FAM220A: variants seen among roughly 807,000 people sequenced by gnomAD.
FAM220A encodes the protein protein FAM220A.
For synonymous variants in FAM220A, 141 were observed against 130.7 expected (o/e 1.08, Z -0.54); for missense variants, 392 against 321.6 (o/e 1.22, Z -1.68).
chr7:6,348,878 G>C lies in FAM220A; in HGVS notation c.-387C>G. ...GGAGGCGGCGGCTAGACCGGCGGGC[G>C]GGCGGGCCGCAGTGGAGCGGAGTCC... is the stretch of plus-strand genomic sequence containing the variant. On this transcript the variant is annotated 5_prime_UTR_variant, in exon 1 of 2. Coordinates refer to ENST00000313324, the MANE Select transcript of FAM220A (RefSeq NM_001037163.2). The C allele has an allele frequency of 2.6e-6, 1 of 388,648 alleles. No homozygotes were observed. Among genetic ancestry groups the C allele is most frequent in the Non-Finnish European group, 4.5e-6 (1 of 220,122 alleles). The allele number at this position is 388,648 out of a possible 1,614,324, so 24.1% of individuals were successfully genotyped here. A position where few individuals can be genotyped will look rare whatever the true frequency, so the allele number is the denominator to read the frequency against.
chr7:6,342,224 T>TTC (rs939471898), intron 1 of FAM220A, among the ~76,000 whole-genome samples: 2 of 151,772 alleles, frequency 1.3e-5, no homozygotes, highest in African/African-American at 2.4e-5. Flanking sequence ...TACTTTCTCT[T>TTC]TCTCTCTCTC....
intron 1 of FAM220A, among the ~76,000 whole-genome samples, 169 bp downstream of exon 1, chr7:6,348,404 A>T (rs958305749): frequency 4.6e-5 from 7 of 152,120 alleles, no homozygotes; most frequent in African/African-American, 1.7e-4. Flanking sequence ...CAGAACGGGG[A>T]TAAGGACCAC....
intron 1 of FAM220A, among the ~76,000 whole-genome samples, chr7:6,345,552 G>A (rs1466328113): frequency 6.6e-6 from 1 of 152,048 alleles, no homozygotes; most frequent in Non-Finnish European, 1.5e-5. Context: ...ATATGAAAAA[G>A]GTAACTGTTT....
chr7:6,335,895 G>A (rs1035132029), intron 1 of FAM220A, among the ~76,000 whole-genome samples: 9 of 151,826 alleles, frequency 5.9e-5, no homozygotes, highest in South Asian at 2.1e-4. Flanking sequence ...AAGAGTGGCC[G>A]GGAGCAGTGG....
In FAM220A at chr7:6,348,920, G is replaced by C. The variant is rs1228818517; in HGVS notation, c.-429C>G. The C allele has an allele frequency of 7.8e-6, 3 of 384,764 alleles. No homozygotes were observed. The South Asian group carries it at 4.3e-4, about 55-fold the overall frequency. 23.8% of individuals were successfully genotyped at this position (384,764 alleles called of 1,614,324 possible). ...GCGGAGTCCGCACGTCACGCTCGGAGAAGTGCCTCCGCGAGCAGCCGCCTG... is the reference window on the plus strand; with the variant it reads ...GCGGAGTCCGCACGTCACGCTCGGACAAGTGCCTCCGCGAGCAGCCGCCTG... On this transcript the variant is annotated 5_prime_UTR_variant, in exon 1 of 2. Transcript: ENST00000313324.
intron 1 of FAM220A, among the ~76,000 whole-genome samples, chr7:6,348,091 G>A (rs1015991557): frequency 8.6e-5 from 13 of 151,204 alleles, no homozygotes; most frequent in Non-Finnish European, 1.5e-4. Context: ...TGTATTTTTA[G>A]TAGAGACGGG....
Position 6,330,191 on chromosome 7 carries a change from C to T in FAM220A, c.*184G>A. On this transcript the variant is annotated 3_prime_UTR_variant, in exon 2 of 2. Coordinates refer to ENST00000313324, the MANE Select transcript of FAM220A (RefSeq NM_001037163.2). ...TTTTAAAGCACAATTTAACACATGC[C>T]AAAAAAGTTCCTTCCGCATCAACTG... 1 of 628,378 alleles carries T rather than the reference C, an allele frequency of 1.6e-6. No individual in the cohort carries two copies. The highest frequency in any genetic ancestry group is 2.8e-6 in the Non-Finnish European group (1 of 359,318). The allele number at this position is 628,378 out of a possible 1,614,324, so 38.9% of individuals were successfully genotyped here. A position where few individuals can be genotyped will look rare whatever the true frequency, so the allele number is the denominator to read the frequency against.
intron 1 of FAM220A, among the ~76,000 whole-genome samples, chr7:6,341,432 ACT>A (rs1312381920): frequency 2.7e-5 from 4 of 150,312 alleles, no homozygotes; most frequent in African/African-American, 7.4e-5. Context: ...ACAGAGCAAG[ACT>A]CTGTCTCAAA....
At chr7:6,339,943 T>C (rs1478991523) in intron 1 of FAM220A, among the ~76,000 whole-genome samples, 1 of 151,702 alleles carries the variant, frequency 6.6e-6, no homozygotes, top group Non-Finnish European at 1.5e-5. Flanking sequence ...GGAGTGCAGC[T>C]GCATGATCTC....
rs763859545 is a variant in FAM220A at position 6,330,945 on chromosome 7, G to A, written c.210C>T (p.Ser70=). The change falls in exon 2 of 2, where the codon AGC becomes AGT. Residue 70 remains serine, a synonymous_variant. Coordinates refer to ENST00000313324, the MANE Select transcript of FAM220A (RefSeq NM_001037163.2). ...CACTGTGAAGCCAGAGGCCAGCCCC[G>A]CTCGGATCCTTTCTCATTTCCAGTG... is the stretch of plus-strand genomic sequence containing the variant. ...ALSLEMRKDP[S]GAGLWLHSGG... 9.9e-6 allele frequency: 16 copies of A among 1,614,116 alleles called. No individual in the cohort carries two copies. Among genetic ancestry groups the A allele is most frequent in the African/African-American group, 5.3e-5 (4 of 74,952 alleles).
chr7:6,331,672 G>A (rs540760983), intron 1 of FAM220A, among the ~76,000 whole-genome samples: 3 of 150,824 alleles, frequency 2.0e-5, no homozygotes, highest in African/African-American at 7.3e-5. Flanking sequence ...GAGCCACCAC[G>A]CCCGGCCTAG....
chr7:6,333,758 TGAA>T (rs920175726), intron 1 of FAM220A, among the ~76,000 whole-genome samples: 1 of 150,704 alleles, frequency 6.6e-6, no homozygotes, highest in African/African-American at 2.4e-5. Context: ...GTAGGTGACT[TGAA>T]GAACAAGTGT....
intron 1 of FAM220A, chr7:6,342,108 A>G (rs954407548): frequency 6.6e-6 from 1 of 152,212 alleles, no homozygotes; most frequent in Non-Finnish European, 1.5e-5. Context: ...GCCAGGTGCC[A>G]GGTGCTGTTC....
In FAM220A at chr7:6,330,589, T is replaced by G. The variant is rs771443961; in HGVS notation, c.566A>C (p.His189Pro). The G allele has an allele frequency of 3.1e-6, 5 of 1,614,048 alleles. No homozygotes were observed. Among genetic ancestry groups the G allele is most frequent in the Non-Finnish European group, 4.2e-6 (5 of 1,180,020 alleles). The stretch of plus-strand genomic sequence containing the variant: ...GTGCAGCGTTGCAGACAGGATGGAG[T>G]GCAGGCAAGCGGGTTCCAACTCAGA... ...LGSELEPACLHSILSATLHVY... is the reference protein window; with the variant it reads ...LGSELEPACLPSILSATLHVY... Residue 189 changes from histidine (H) to proline (P), a missense_variant, in exon 2 of 2, where the codon CAC (histidine) becomes CCC (proline). By Grantham distance (77) the His-to-Pro change is moderately conservative. Coordinates refer to ENST00000313324, the MANE Select transcript of FAM220A (RefSeq NM_001037163.2).
chr7:6,330,997 T>G lies in FAM220A; in HGVS notation c.158A>C (p.Asp53Ala). 1 of 1,614,222 alleles carries G rather than the reference T, an allele frequency of 6.2e-7. No homozygotes were observed. The highest frequency in any genetic ancestry group is 8.5e-7 in the Non-Finnish European group (1 of 1,180,040). The change falls in exon 2 of 2, where the codon GAT becomes GCT. Residue 53 changes from aspartate to alanine, a missense_variant. Coordinates refer to ENST00000313324, the MANE Select transcript of FAM220A (RefSeq NM_001037163.2). ...TAATGCCTCACTTTGTGAATTTCCA[T>G]CAACCACAGGCTTATTCATCCAGGA... ...APSWMNKPVV[D>A]GNSQSEALSL...
intron 1 of FAM220A, among the ~76,000 whole-genome samples, chr7:6,348,006 G>A (rs1481991680): frequency 6.6e-6 from 1 of 151,284 alleles, no homozygotes; most frequent in African/African-American, 2.4e-5. Context: ...CGCCTCCCAG[G>A]TTCCAGCGAT....
chr7:6,343,606 C>T (rs578175680), intron 1 of FAM220A, among the ~76,000 whole-genome samples: 1 of 151,590 alleles, frequency 6.6e-6, no homozygotes, highest in Non-Finnish European at 1.5e-5. Context: ...CCTTGTATTT[C>T]AGATTCTGTA....
chr7:6,338,105 C>T (rs1336284913), intron 1 of FAM220A, among the ~76,000 whole-genome samples: 2 of 152,094 alleles, frequency 1.3e-5, no homozygotes, highest in Non-Finnish European at 2.9e-5. Context: ...TGCCCAGCCA[C>T]AAAAAGACTT....
chr7:6,348,856 G>A lies in FAM220A; in HGVS notation c.-365C>T, dbSNP rs1003485326. On this transcript the variant is annotated 5_prime_UTR_variant, in exon 1 of 2. Coordinates refer to ENST00000313324, the MANE Select transcript of FAM220A (RefSeq NM_001037163.2). ...CCTGGCGTGCTCAGGGAGCGAAGGA[G>A]GCGGCGGCTAGACCGGCGGGCGGGC... 5 of 391,416 alleles carry A rather than the reference G, an allele frequency of 1.3e-5. No individual in the cohort carries two copies. Among genetic ancestry groups the A allele is most frequent in the Middle Eastern group, 6.4e-4 (1 of 1,552 alleles). The allele number at this position is 391,416 out of a possible 1,614,324, so 24.2% of individuals were successfully genotyped here.
Sources: allele counts gnomAD v4.1 joint callset (sites outside exome capture counted in the v4.1 genomes callset), GRCh38; gene constraint gnomAD v4.1.1; transcripts MANE v1.5; gene names NCBI Gene and HGNC (gene_info 2026-07-23, HGNC 2026-07-21).